Variants in SETD6 observed in about 807,000 individuals in gnomAD.
The protein encoded by SETD6 is N-lysine methyltransferase SETD6.
SETD6 carries 67 observed loss-of-function variants against 52.7 expected under a neutral mutation model. The ratio of observed to expected loss-of-function variants is 1.27; its 90% CI spans 1.04 to 1.56. SETD6 has a LOEUF of 1.56. Ranked by LOEUF, SETD6 falls within the 40% of genes most tolerant of loss-of-function variation. The pLI is 0.00. For missense variants in SETD6, 712 were observed against 607.5 expected, an observed-to-expected ratio of 1.17 and a Z score of -1.81; for synonymous variants, 307 against 250.2, an observed-to-expected ratio of 1.23 and a Z score of -2.14.
Position 58,523,097 on chromosome 16 carries a change from T to C in SETD6, c.*4068T>C. Reference sequence around the variant, plus strand: ...CCCGTCTCTACTAAAATACAAAAATTAGCTGGGCGTGGTGGCAGGCGCCTG... The same window carrying C: ...CCCGTCTCTACTAAAATACAAAAATCAGCTGGGCGTGGTGGCAGGCGCCTG... On this transcript the variant is annotated 3_prime_UTR_variant, in exon 8 of 8. Transcript: ENST00000219315. 5.0e-6 allele frequency: 1 copy of C among 201,830 alleles called. No individual in the cohort carries two copies. Among genetic ancestry groups the C allele is most frequent in the Non-Finnish European group, 1.0e-5 (1 of 100,432 alleles). 12.5% of individuals were successfully genotyped at this position (201,830 alleles called of 1,614,324 possible).
intron 5 of SETD6, chr16:58,517,348 T>C (rs1466362832): frequency 4.4e-6 from 1 of 228,278 alleles, no homozygotes; most frequent in Non-Finnish European, 8.9e-6. Flanking sequence ...GCTGTGTTTA[T>C]ACCAGCTCTA....
At position 58,523,625 on chromosome 16, in the gene SETD6, G is replaced by T; in HGVS notation, c.*4596G>T. On this transcript the variant is annotated 3_prime_UTR_variant, in exon 8 of 8. Coordinates refer to ENST00000219315, the MANE Select transcript of SETD6 (RefSeq NM_001160305.4). ...TCAAATTAATCTTTGGTTTAAAGCAGTGGTTCTTGGGACCCCAAAGAGTTC... is the reference window on the plus strand; with the variant it reads ...TCAAATTAATCTTTGGTTTAAAGCATTGGTTCTTGGGACCCCAAAGAGTTC... 1.2e-6 allele frequency: 1 copy of T among 808,150 alleles called. No homozygotes were observed. 50.1% of individuals were successfully genotyped at this position (808,150 alleles called of 1,614,324 possible). A position where few individuals can be genotyped will look rare whatever the true frequency, so the allele number is the denominator to read the frequency against.
intron 5 of SETD6, 189 bp downstream of exon 5, chr16:58,517,117 G>A (rs2039193352): frequency 5.0e-6 from 4 of 802,702 alleles, no homozygotes; most frequent in South Asian, 4.7e-5. Context: ...GTAAGTTGTG[G>A]TTAATCCTCT....
upstream of SETD6, chr16:58,515,487 C>T (rs1567373272): frequency 6.4e-7 from 1 of 1,557,136 alleles, no homozygotes. Context: ...CCAGAGACGC[C>T]GGAAGTGACC....
Position 58,523,723 on chromosome 16 carries a change from C to T in SETD6, c.*4694C>T, listed in dbSNP as rs941596558. The T allele has an allele frequency of 5.6e-5, 23 of 413,190 alleles. No individual in the cohort carries two copies. The highest frequency in any genetic ancestry group is 9.6e-5 in the Non-Finnish European group (22 of 229,290). The allele number at this position is 413,190 out of a possible 1,614,324, so 25.6% of individuals were successfully genotyped here. Reference sequence around the variant, plus strand: ...TTTTAAAAATATTCATTTTTAAAAACAGACCCACTATGTGCTAATGTAAGA... The same window carrying T: ...TTTTAAAAATATTCATTTTTAAAAATAGACCCACTATGTGCTAATGTAAGA... On this transcript the variant is annotated 3_prime_UTR_variant, in exon 8 of 8. Coordinates refer to ENST00000219315, the MANE Select transcript of SETD6 (RefSeq NM_001160305.4).
rs750670555 is a variant in SETD6 at position 58,516,391 on chromosome 16, G to A, written c.476+48G>A. On this transcript the variant is annotated intron_variant, in intron 3 of 7. Transcript: ENST00000219315. ...GGGAGCGCCTGCACCGTAGCCTGCT[G>A]CAAGAAGTTTCCCCGCCCCTGCACC... The A allele has an allele frequency of 4.5e-6, 7 of 1,547,238 alleles. No individual in the cohort carries two copies. The South Asian group carries it at 6.8e-5, about 15-fold the overall frequency.
Position 58,518,927 on chromosome 16 carries a change from T to TA in SETD6, c.1322dup (p.Glu442GlyfsTer49). Reference sequence around the variant, plus strand: ...AAACTGACCAAGGTTTACTCAGTAATAAGGAAGTCTATGCGAAACTCAGCT... The same window carrying TA: ...AAACTGACCAAGGTTTACTCAGTAATAAAGGAAGTCTATGCGAAACTCAGCT... On this transcript the variant is annotated frameshift_variant, in exon 8 of 8. Transcript: ENST00000219315. LOFTEE classifies it high-confidence loss of function. The TA allele has an allele frequency of 6.2e-7, 1 of 1,614,160 alleles. No homozygotes were observed. Among genetic ancestry groups the TA allele is most frequent in the South Asian group, 1.1e-5 (1 of 91,082 alleles).
rs1474450492 is a variant in SETD6 at position 58,520,187 on chromosome 16, T to A, written c.*1158T>A. ...GGGAGAACAATTAATTAATGAGATTTGGTTCCCTTTCCTATATTCCCACTG... is the reference window on the plus strand; with the variant it reads ...GGGAGAACAATTAATTAATGAGATTAGGTTCCCTTTCCTATATTCCCACTG... On this transcript the variant is annotated 3_prime_UTR_variant, in exon 8 of 8. Transcript: ENST00000219315. 6.6e-6 allele frequency: 1 copy of A among 151,912 alleles called. No homozygotes were observed. The highest frequency in any genetic ancestry group is 1.5e-5 in the Non-Finnish European group (1 of 67,966). 9.4% of individuals were successfully genotyped at this position (151,912 alleles called of 1,614,324 possible).
intron 1 of SETD6, 76 bp downstream of exon 1, chr16:58,515,640 G>GC: frequency 3.5e-6 from 5 of 1,421,372 alleles, no homozygotes; most frequent in African/African-American, 1.5e-5. Flanking sequence ...GTCCGCCTGC[G>GC]CCCCCTCCGC....
Position 58,516,187 on chromosome 16 carries a change from C to G in SETD6, c.335-15C>G. On this transcript the variant is annotated splice_polypyrimidine_tract_variant and intron_variant, in intron 2 of 7. Transcript: ENST00000219315. Reference sequence around the variant, plus strand: ...CGAGGCCGCGCCGGGGCGCTCACACCTGTGTCTTCCTCAGAGCGAGTTGCG... The same window carrying G: ...CGAGGCCGCGCCGGGGCGCTCACACGTGTGTCTTCCTCAGAGCGAGTTGCG... 6.4e-7 allele frequency: 1 copy of G among 1,559,944 alleles called. No homozygotes were observed.
Position 58,516,487 on chromosome 16 carries a change from G to A in SETD6, c.486G>A (p.Glu162=), listed in dbSNP as rs780400892. 5.6e-6 allele frequency: 9 copies of A among 1,614,054 alleles called. No homozygotes were observed. Among genetic ancestry groups the A allele is most frequent in the South Asian group, 4.4e-5 (4 of 91,078 alleles). Residue 162 remains glutamate, a synonymous_variant, in exon 4 of 8, where the codon GAG becomes GAA. Coordinates refer to ENST00000219315, the MANE Select transcript of SETD6 (RefSeq NM_001160305.4). ...RLEHPMFWPE[E]ERRCLLQGTG... is the part of the protein sequence containing the mutation. ...GTGGGTGTCCCTGCAGGCCAGAGGA[G>A]GAGCGCCGGTGCCTGCTCCAGGGCA...
rs1199407262 is a variant in SETD6, at chr16:58,518,927, TAAGG to T, written c.1324_1327del (p.Glu442SerfsTer21). 1.9e-6 allele frequency: 3 copies of T among 1,614,160 alleles called. No homozygotes were observed. In the South Asian group the frequency reaches 3.3e-5, roughly 18 times the overall value. ...AAACTGACCAAGGTTTACTCAGTAATAAGGAAGTCTATGCGAAACTCAGCTGGAG... is the reference window on the plus strand; with the variant it reads ...AAACTGACCAAGGTTTACTCAGTAATAAGTCTATGCGAAACTCAGCTGGAG... On this transcript the variant is annotated frameshift_variant, in exon 8 of 8. Transcript: ENST00000219315. LOFTEE classifies it high-confidence loss of function.
In SETD6 at chr16:58,523,166, A is replaced by C. The variant is rs982725141; in HGVS notation, c.*4137A>C. ...AGGCTAAGGCACGAGAATCGCTTGA[A>C]CCTGGGAGGCGGAGGTTGCAGTGAG... On this transcript the variant is annotated 3_prime_UTR_variant, in exon 8 of 8. Transcript: ENST00000219315. 1.1e-5 allele frequency: 4 copies of C among 369,510 alleles called. No individual in the cohort carries two copies. The highest frequency in any genetic ancestry group is 1.9e-5 in the Non-Finnish European group (4 of 210,544). 22.9% of individuals were successfully genotyped at this position (369,510 alleles called of 1,614,324 possible). A position where few individuals can be genotyped will look rare whatever the true frequency, so the allele number is the denominator to read the frequency against.
rs17821549 is a variant in SETD6 at position 58,520,876 on chromosome 16, C to T, written c.*1847C>T. The T allele has an allele frequency of 0.064, 90,756 of 1,416,214 alleles. 3,389 individuals carry two copies. The highest frequency in any genetic ancestry group is 0.1 in the Middle Eastern group (576 of 5,604). The allele number at this position is 1,416,214 out of a possible 1,614,324, so 87.7% of individuals were successfully genotyped here. A position where few individuals can be genotyped will look rare whatever the true frequency, so the allele number is the denominator to read the frequency against. ...AAAGGGCTGGGAAAGTCAGGAAGAGCTGAAAGGATTCTTCAGTCAGTTTAT... is the reference window on the plus strand; with the variant it reads ...AAAGGGCTGGGAAAGTCAGGAAGAGTTGAAAGGATTCTTCAGTCAGTTTAT... On this transcript the variant is annotated 3_prime_UTR_variant, in exon 8 of 8. Transcript: ENST00000219315.
At position 58,516,307 on chromosome 16, in the gene SETD6, G is replaced by A; in HGVS notation, c.440G>A (p.Trp147Ter). Residue 147 changes from tryptophan to a stop codon, truncating the protein, a stop_gained, in exon 3 of 8, where the codon TGG becomes TAG. Transcript: ENST00000219315. LOFTEE classifies it high-confidence loss of function. ...CGCTGGAGGCCCTACTTTGCGCTCT[G>A]GCCCGAGCTGGGCCGCTTGGAGCAC... Reference protein sequence around the residue: ...ASRWRPYFALWPELGRLEHPM... With the variant: ...ASRWRPYFAL 1 of 1,606,612 alleles carries A rather than the reference G, an allele frequency of 6.2e-7. No homozygotes were observed. The highest frequency in any genetic ancestry group is 8.5e-7 in the Non-Finnish European group (1 of 1,179,890).
chr16:58,515,660 C>T (rs2039097204), intron 1 of SETD6, 96 bp downstream of exon 1: 1 of 1,411,916 alleles, frequency 7.1e-7, no homozygotes, highest in African/African-American at 1.5e-5. Flanking sequence ...CTCCCTCCCG[C>T]GGGTCCCGCG....
intron 5 of SETD6, chr16:58,517,572 C>T (rs2039209924): frequency 5.4e-6 from 1 of 186,286 alleles, no homozygotes; most frequent in Admixed American, 5.3e-5. Flanking sequence ...CTCCTGGGTT[C>T]AAGCAATTCT....
At position 58,518,036 on chromosome 16, in the gene SETD6, T is replaced by C. The variant is rs1447706295; in HGVS notation, c.793-15T>C. On this transcript the variant is annotated splice_polypyrimidine_tract_variant and intron_variant, in intron 5 of 7. Coordinates refer to ENST00000219315, the MANE Select transcript of SETD6 (RefSeq NM_001160305.4). Reference sequence around the variant, plus strand: ...CCGTGAAAGGCATGGCCCCAGCTTCTCCCTTTCACCTCAGAATTGTCTTCG... The same window carrying C: ...CCGTGAAAGGCATGGCCCCAGCTTCCCCCTTTCACCTCAGAATTGTCTTCG... 1 of 1,614,138 alleles carries C rather than the reference T, an allele frequency of 6.2e-7. No individual in the cohort carries two copies. The highest frequency in any genetic ancestry group is 1.7e-5 in the Admixed American group (1 of 60,016).
Position 58,521,247 on chromosome 16 carries a change from T to A in SETD6, c.*2218T>A. The A allele has an allele frequency of 6.2e-7, 1 of 1,614,208 alleles. No individual in the cohort carries two copies. Among genetic ancestry groups the A allele is most frequent in the Non-Finnish European group, 8.5e-7 (1 of 1,180,020 alleles). Reference sequence around the variant, plus strand: ...CAGAACTTAAACGCTGGGTTTTTAATCAGCTCAATGAAGGTAATAAGAAGA... The same window carrying A: ...CAGAACTTAAACGCTGGGTTTTTAAACAGCTCAATGAAGGTAATAAGAAGA... On this transcript the variant is annotated 3_prime_UTR_variant, in exon 8 of 8. Transcript: ENST00000219315.
Sources: gnomAD v4.1 joint callset for allele counts on GRCh38, gnomAD v4.1.1 for gene constraint, MANE v1.5 for transcripts, NCBI Gene and HGNC (gene_info 2026-07-23, HGNC 2026-07-21) for gene names.